JAG1: variants seen among roughly 807,000 people sequenced by gnomAD.
JAG1 encodes jagged canonical Notch ligand 1.
JAG1 carries 23 observed loss-of-function variants against 148.7 expected under a neutral mutation model. The ratio of observed to expected loss-of-function variants is 0.15; its 90% CI spans 0.11 to 0.22. The LOEUF (loss-of-function observed/expected upper bound fraction) is 0.22, where lower values mean the gene tolerates loss of function less well. Among genes scored for constraint, JAG1 ranks in the 10% least tolerant of loss-of-function variants. The probability of loss-of-function intolerance (pLI) is 1.00; values close to 1 mark genes in which losing one functional copy is unlikely to be tolerated. For synonymous variants in JAG1, 572 were observed against 598.3 expected (o/e 0.96, Z 0.64); for missense variants, 1,054 against 1,611.2 (o/e 0.65, Z 5.92).
chr20:10,658,435 G>GGCACACGTGCACAT (rs2067392698), intron 4 of JAG1, 33 bp downstream of exon 4: 1 of 1,611,694 alleles, frequency 6.2e-7, no homozygotes, highest in Non-Finnish European at 8.5e-7. Context: ...AAAAGCAACA[G>GGCACACGTGCACAT]GCACACGTGC....
In JAG1 at chr20:10,653,579, G is replaced by C. The variant is rs890516593; in HGVS notation, c.756-981C>G. 2.6e-4 allele frequency among the ~76,000 whole-genome samples: 39 copies of C among 147,970 alleles called. 1 individual carries two copies. The highest frequency in any genetic ancestry group is 9.5e-4 in the African/African-American group (37 of 38,906). On this transcript the variant is annotated intron_variant, in intron 5 of 25. Coordinates refer to ENST00000254958, the MANE Select transcript of JAG1 (RefSeq NM_000214.3). ...ACTAGCCTCCCGGTGGAGCGTGGAGGGTGGAGGGTGGAGGGTGGGGTGCGG... is the reference window on the plus strand; with the variant it reads ...ACTAGCCTCCCGGTGGAGCGTGGAGCGTGGAGGGTGGAGGGTGGGGTGCGG...
Position 10,645,295 on chromosome 20 carries a change from C to T in JAG1, c.2114-39G>A, listed in dbSNP as rs754665140. On this transcript the variant is annotated intron_variant, in intron 16 of 25. Transcript: ENST00000254958. This position sits in a 1 kb window ranked among gnomAD's most constrained non-coding sequence, Gnocchi z 6.1. ...TTTCAGTGTGAGTCCCAGTGGCCCC[C>T]TCCCACAGAAGACAGAGGGAAGGGT... is the stretch of plus-strand genomic sequence containing the variant. 234 of 1,602,834 alleles carry T rather than the reference C, an allele frequency of 1.5e-4. No homozygotes were observed. Among genetic ancestry groups the T allele is most frequent in the Non-Finnish European group, 1.3e-4 (148 of 1,169,770 alleles).
chr20:10,644,833 TG>T, intron 18 of JAG1, 29 bp downstream of exon 18: 1 of 1,503,192 alleles, frequency 6.7e-7, no homozygotes, highest in Non-Finnish European at 9.3e-7. Flanking sequence ...CCGACAGCCC[TG>T]GGAGAGTTCA....
At chr20:10,670,395 T>C (rs1235892555) in intron 2 of JAG1, among the ~76,000 whole-genome samples, 1 of 152,250 alleles carries the variant, frequency 6.6e-6, no homozygotes, top group Non-Finnish European at 1.5e-5. Flanking sequence ...TATATCCTTT[T>C]CTTGCTATCT....
At position 10,640,873 on chromosome 20, in the gene JAG1, C is replaced by T. The variant is rs768823146; in HGVS notation, c.3109G>A (p.Asp1037Asn). 1.1e-5 allele frequency: 18 copies of T among 1,613,884 alleles called. No homozygotes were observed. Among genetic ancestry groups the T allele is most frequent in the East Asian group, 2.2e-5 (1 of 44,874 alleles). ...TTTCCATCACGTTTACTAACAAGAT[C>T]GATTATTTTGTCAGTGATTTCCTTG... is the stretch of plus-strand genomic sequence containing the variant. ...PIKEITDKII[D>N]LVSKRDGNSS... Residue 1037 changes from aspartate (D) to asparagine (N), a missense_variant, in exon 25 of 26, where the codon GAT becomes AAT. Transcript: ENST00000254958.
Position 10,640,855 on chromosome 20 carries a change from C to T in JAG1, c.3127G>A (p.Asp1043Asn), listed in dbSNP as rs1278689263. The T allele has an allele frequency of 6.2e-6, 10 of 1,614,194 alleles. No individual in the cohort carries two copies. Among genetic ancestry groups the T allele is most frequent in the Admixed American group, 1.7e-5 (1 of 60,026 alleles). Residue 1043 changes from aspartate to asparagine, a missense_variant, in exon 25 of 26, where the codon GAT (aspartate) becomes AAT (asparagine). Around this residue, in one of 6 missense-constraint regions of JAG1, gnomAD observed 342 missense variants for 514.6 expected, o/e 0.66. Coordinates refer to ENST00000254958, the MANE Select transcript of JAG1 (RefSeq NM_000214.3). Reference protein sequence around the residue: ...DKIIDLVSKRDGNSSLIAAVA... With the variant: ...DKIIDLVSKRNGNSSLIAAVA... ...GCAGCAATCAGCGAGCTGTTTCCAT[C>T]ACGTTTACTAACAAGATCGATTATT...
chr20:10,673,363 G>C lies in JAG1; in HGVS notation c.81+87C>G, dbSNP rs2122645661. 1 of 1,031,812 alleles carries C rather than the reference G, an allele frequency of 9.7e-7. No homozygotes were observed. The highest frequency in any genetic ancestry group is 2.8e-5 in the East Asian group (1 of 35,418). 63.9% of individuals were successfully genotyped at this position (1,031,812 alleles called of 1,614,324 possible). A position where few individuals can be genotyped will look rare whatever the true frequency, so the allele number is the denominator to read the frequency against. ...AGGAGTCGGGCGCTCGAGGGCTGCC[G>C]AGCCTGCTCGCGGGGCTCAACCGCC... On this transcript the variant is annotated intron_variant, in intron 1 of 25. Coordinates refer to ENST00000254958, the MANE Select transcript of JAG1 (RefSeq NM_000214.3). The surrounding 1 kb of genome is among the most constrained non-coding windows in gnomAD (Gnocchi z 4.7).
rs1248965484 is a variant in JAG1 at position 10,673,505 on chromosome 20, C to T, written c.26G>A (p.Arg9Gln). The T allele has an allele frequency of 2.4e-6, 3 of 1,267,686 alleles. No individual in the cohort carries two copies. Among genetic ancestry groups the T allele is most frequent in the Non-Finnish European group, 3.0e-6 (3 of 999,616 alleles). 78.5% of individuals were successfully genotyped at this position (1,267,686 alleles called of 1,614,324 possible). The change falls in exon 1 of 26, where the codon CGG becomes CAG. Residue 9 changes from arginine to glutamine, a missense_variant. Arg to Gln is a conservative substitution (Grantham distance 43). Around this residue, in one of 6 missense-constraint regions of JAG1, gnomAD observed 151 missense variants for 211.1 expected, o/e 0.72. Coordinates refer to ENST00000254958, the MANE Select transcript of JAG1 (RefSeq NM_000214.3). The surrounding 1 kb of genome is among the most constrained non-coding windows in gnomAD (Gnocchi z 4.7). MRSPRTRG[R>Q]SGRPLSLLLA... ...CAGGAGGCTTAGGGGGCGCCCGGAC[C>T]GGCCGCGCGTCCGTGGGGAACGCAT...
Position 10,640,325 on chromosome 20 carries a change from C to T in JAG1, c.3200-370G>A, listed in dbSNP as rs113319026. On this transcript the variant is annotated intron_variant, in intron 25 of 25. Transcript: ENST00000254958. ...TTCAAATTAGCACAGACAGCTCAAA[C>T]GTGCCATGGCTCCATGCCCAATCTC... 5.4e-3 allele frequency among the ~76,000 whole-genome samples: 829 copies of T among 152,332 alleles called. 11 individuals are homozygous for T. Among genetic ancestry groups the T allele is most frequent in the African/African-American group, 0.018 (764 of 41,580 alleles).
rs1477546681 is a variant in JAG1, at chr20:10,649,612, G to A, written c.1258C>T (p.Pro420Ser). The change falls in exon 10 of 26, where the codon CCT becomes TCT. Residue 420 changes from proline (P) to serine (S), a missense_variant. By Grantham distance (74) the Pro-to-Ser change is moderately conservative. Transcript: ENST00000254958. ...QLDANECEAKPCVNAKSCKNL... is the reference protein window; with the variant it reads ...QLDANECEAKSCVNAKSCKNL... ...TTACAGGATTTGGCGTTTACACAAG[G>A]TTTGGCCTCACATTCATTTGCATCT... The A allele has an allele frequency of 6.2e-7, 1 of 1,612,852 alleles. No individual in the cohort carries two copies. Among genetic ancestry groups the A allele is most frequent in the Non-Finnish European group, 8.5e-7 (1 of 1,178,868 alleles).
intron 14 of JAG1, chr20:10,646,468 G>A: frequency 2.8e-6 from 1 of 362,630 alleles, no homozygotes; most frequent in South Asian, 2.2e-5. Context: ...GTAAGGATAA[G>A]TCTCAACCAG....
In JAG1 at chr20:10,639,413, C is replaced by A; in HGVS notation, c.*85G>T. ...TAACACAGGGATTCTAAGTCAGCAACGGCCTCAGACTCGAGTATGACACGA... is the reference window on the plus strand; with the variant it reads ...TAACACAGGGATTCTAAGTCAGCAAAGGCCTCAGACTCGAGTATGACACGA... On this transcript the variant is annotated 3_prime_UTR_variant, in exon 26 of 26. Coordinates refer to ENST00000254958, the MANE Select transcript of JAG1 (RefSeq NM_000214.3). 8.3e-7 allele frequency: 1 copy of A among 1,205,314 alleles called. No individual in the cohort carries two copies. Among genetic ancestry groups the A allele is most frequent in the Non-Finnish European group, 1.2e-6 (1 of 807,412 alleles). The allele number at this position is 1,205,314 out of a possible 1,614,324, so 74.7% of individuals were successfully genotyped here.
intron 23 of JAG1, 79 bp from the exon 24 acceptor site, chr20:10,641,323 G>A (rs1270378106): frequency 1.3e-6 from 2 of 1,581,262 alleles, no homozygotes; most frequent in Non-Finnish European, 1.7e-6. Flanking sequence ...CTTTGAGGCT[G>A]GCTAAGTTCA....
chr20:10,666,008 C>T (rs2067451719), intron 2 of JAG1, among the ~76,000 whole-genome samples: 1 of 152,168 alleles, frequency 6.6e-6, no homozygotes, highest in Non-Finnish European at 1.5e-5. Flanking sequence ...ACGTGCCTGG[C>T]TCTGTGATTT....
At chr20:10,648,485 G>GC in intron 12 of JAG1, 64 bp downstream of exon 12, 1 of 1,333,502 alleles carries the variant, frequency 7.5e-7, no homozygotes, top group East Asian at 2.3e-5. Flanking sequence ...AAAGTAAAGG[G>GC]AAGCGGAGGA....
chr20:10,647,450 G>T, intron 13 of JAG1: 1 of 418,034 alleles, frequency 2.4e-6, no homozygotes, highest in South Asian at 2.2e-5. Context: ...CTTAAGCAAG[G>T]CTCAAGGACA....
At position 10,645,207 on chromosome 20, in the gene JAG1, A is replaced by G. The variant is rs2122602994; in HGVS notation, c.2163T>C (p.Tyr721=). ...EATCNNGGTC[Y]DEGDAFKCMC... Reference sequence around the variant, plus strand: ...TGCACTTAAAAGCATCCCCCTCATCATAGCAGGTGCCACCGTTGTTGCACG... The same window carrying G: ...TGCACTTAAAAGCATCCCCCTCATCGTAGCAGGTGCCACCGTTGTTGCACG... The change falls in exon 17 of 26, where the codon TAT becomes TAC. Residue 721 remains tyrosine (Y), a synonymous_variant. Coordinates refer to ENST00000254958, the MANE Select transcript of JAG1 (RefSeq NM_000214.3). The surrounding 1 kb of genome is among the most constrained non-coding windows in gnomAD (Gnocchi z 6.1). 1.2e-6 allele frequency: 2 copies of G among 1,614,030 alleles called. No homozygotes were observed. Among genetic ancestry groups the G allele is most frequent in the Non-Finnish European group, 1.7e-6 (2 of 1,180,010 alleles).
intron 5 of JAG1, among the ~76,000 whole-genome samples, chr20:10,656,133 TG>T (rs2067377370): frequency 6.6e-6 from 1 of 152,230 alleles, no homozygotes; most frequent in African/African-American, 2.4e-5. Flanking sequence ...TATAAAAATG[TG>T]TTATCAATTT....
Position 10,639,490 on chromosome 20 carries a change from G to T in JAG1, c.*8C>A. On this transcript the variant is annotated 3_prime_UTR_variant, in exon 26 of 26. Coordinates refer to ENST00000254958, the MANE Select transcript of JAG1 (RefSeq NM_000214.3). ...ACTCTACCTAGCGGCGGCAGTGCCC[G>T]CGGTCTGCTATACGATGTACTCCAT... is the stretch of plus-strand genomic sequence containing the variant. 6.2e-7 allele frequency: 1 copy of T among 1,612,930 alleles called. No individual in the cohort carries two copies. The highest frequency in any genetic ancestry group is 2.2e-5 in the East Asian group (1 of 44,848).
Sources: gnomAD v4.1 joint callset for allele counts (sites outside exome capture counted in the v4.1 genomes callset) on GRCh38, gnomAD v4.1.1 for gene constraint, gnomAD v4.1.1 regional missense constraint, Gnocchi (gnomAD v3.1) non-coding constraint, MANE v1.5 for transcripts, NCBI Gene and HGNC (gene_info 2026-07-23, HGNC 2026-07-21) for gene names.